Variants in VAMP7 observed in about 807,000 individuals in gnomAD.
VAMP7 encodes vesicle associated membrane protein 7.
A neutral mutation model predicts 29.6 loss-of-function variants in VAMP7; 14 were observed. The ratio of observed to expected loss-of-function variants is 0.47; its 90% CI spans 0.31 to 0.74. The LOEUF (loss-of-function observed/expected upper bound fraction) is 0.74. Ranked by LOEUF, VAMP7 falls within the 30% of genes least tolerant of loss-of-function variation. The pLI is 0.05. For missense variants in VAMP7, 223 were observed against 262.4 expected, an observed-to-expected ratio of 0.85 and a Z score of 1.04; for synonymous variants, 95 against 88.1, an observed-to-expected ratio of 1.08 and a Z score of -0.44.
At chrX:155,890,764 C>T (rs780888507) in intron 2 of VAMP7, among the ~76,000 whole-genome samples, 72 of 152,304 alleles carry the variant, frequency 4.7e-4, no homozygotes, top group African/African-American at 1.7e-3. Context: ...TCAACCTTCC[C>T]CGTTGGCACT....
intron 6 of VAMP7, among the ~76,000 whole-genome samples, chrX:155,924,086 C>T (rs183724114): frequency 3.3e-5 from 5 of 152,148 alleles, no homozygotes; most frequent in African/African-American, 9.6e-5. Flanking sequence ...GTATCTTGCT[C>T]TTTGTTTTTT....
At chrX:155,917,310 T>C (rs1330396633) in intron 5 of VAMP7, among the ~76,000 whole-genome samples, 3 of 152,208 alleles carry the variant, frequency 2.0e-5, no homozygotes, top group African/African-American at 7.2e-5. Context: ...AACATTCTCC[T>C]TTAGCTTGGA....
chrX:155,908,342 C>T lies in VAMP7; in HGVS notation c.433+7755C>T, dbSNP rs772361430. On this transcript the variant is annotated intron_variant, in intron 5 of 7. Transcript: ENST00000286448. ...GAGGCCGAGGCTGGCGGATCACTCGCGGTTAGCAGCTGGAGACCAGCCCGG... is the reference window on the plus strand; with the variant it reads ...GAGGCCGAGGCTGGCGGATCACTCGTGGTTAGCAGCTGGAGACCAGCCCGG... 3.2e-3 allele frequency among the ~76,000 whole-genome samples: 488 copies of T among 152,306 alleles called. 4 individuals carry two copies. Among genetic ancestry groups the T allele is most frequent in the Non-Finnish European group, 5.2e-3 (355 of 68,034 alleles).
intron 1 of VAMP7, among the ~76,000 whole-genome samples, chrX:155,885,655 A>G (rs2065856593): frequency 1.3e-5 from 2 of 152,192 alleles, no homozygotes; most frequent in African/African-American, 4.8e-5. Context: ...TGGCATCCAT[A>G]TAAAAGAAGA....
chrX:155,931,229 A>G (rs1242483109), intron 6 of VAMP7, among the ~76,000 whole-genome samples: 1 of 152,158 alleles, frequency 6.6e-6, no homozygotes, highest in Non-Finnish European at 1.5e-5. Flanking sequence ...TATACCCAGT[A>G]ATGGGATGGC....
At chrX:155,898,383 C>T in intron 4 of VAMP7, 134 bp downstream of exon 4, 2 of 1,205,154 alleles carry the variant, frequency 1.7e-6, no homozygotes, top group Non-Finnish European at 2.3e-6. Flanking sequence ...AATAAAACTT[C>T]CCTGATTAAA....
At chrX:155,930,084 T>C (rs2124379915) in intron 6 of VAMP7, among the ~76,000 whole-genome samples, 1 of 152,326 alleles carries the variant, frequency 6.6e-6, no homozygotes, top group South Asian at 2.1e-4. Flanking sequence ...TCAGGACACG[T>C]TGCTCTCTTG....
At chrX:155,931,457 G>T (rs910685809) in intron 6 of VAMP7, among the ~76,000 whole-genome samples, 1 of 152,078 alleles carries the variant, frequency 6.6e-6, no homozygotes, top group South Asian at 2.1e-4. Context: ...TTCTCTGATG[G>T]CCAGTGATGA....
chrX:155,905,463 A>G (rs950335053), intron 5 of VAMP7, among the ~76,000 whole-genome samples: 7 of 151,718 alleles, frequency 4.6e-5, no homozygotes, highest in African/African-American at 1.5e-4. Flanking sequence ...TTTGAATAAC[A>G]TATCTAAGAA....
chrX:155,914,813 C>G (rs1439413921), intron 5 of VAMP7, among the ~76,000 whole-genome samples: 3 of 152,064 alleles, frequency 2.0e-5, no homozygotes, highest in African/African-American at 7.2e-5. Flanking sequence ...GGATATTGGC[C>G]TGAAATTTTC....
At chrX:155,890,696 G>A (rs1447720165) in intron 2 of VAMP7, among the ~76,000 whole-genome samples, 1 of 152,074 alleles carries the variant, frequency 6.6e-6, no homozygotes, top group East Asian at 1.9e-4. Context: ...GATCACTCTG[G>A]TGGCTTATTA....
intron 6 of VAMP7, among the ~76,000 whole-genome samples, chrX:155,931,765 G>A (rs1371590742): frequency 1.3e-5 from 2 of 152,164 alleles, no homozygotes; most frequent in Non-Finnish European, 2.9e-5. Flanking sequence ...TGGTGTTTTA[G>A]ATATGAAGTC....
intron 6 of VAMP7, 46 bp from the exon 7 acceptor site, chrX:155,939,654 TC>T: frequency 7.5e-7 from 1 of 1,332,782 alleles, no homozygotes; most frequent in South Asian, 1.2e-5. Flanking sequence ...TGCAAATCAT[TC>T]ATGTAGTCAG....
chrX:155,892,741 G>GTATTAT (rs34905684), intron 2 of VAMP7, among the ~76,000 whole-genome samples: 4,035 of 145,858 alleles, frequency 0.028, 172 homozygotes, highest in African/African-American at 0.087. Context: ...TTTTCACACT[G>GTATTAT]TATTATTATT....
chrX:155,914,758 A>G (rs6567796), intron 5 of VAMP7, among the ~76,000 whole-genome samples: 98,360 of 151,816 alleles, frequency 0.65, 32,322 homozygotes, highest in African/African-American at 0.77. Flanking sequence ...GATGGGTTCG[A>G]TTTGCCAGTA....
chrX:155,904,121 C>T (rs1041164994), intron 5 of VAMP7, among the ~76,000 whole-genome samples: 6 of 147,568 alleles, frequency 4.1e-5, no homozygotes, highest in East Asian at 4.0e-4. Context: ...AACCAAACAC[C>T]GCATGTTCTC....
At chrX:155,903,357 G>A (rs1393375483) in intron 5 of VAMP7, among the ~76,000 whole-genome samples, 1 of 152,060 alleles carries the variant, frequency 6.6e-6, no homozygotes, top group Non-Finnish European at 1.5e-5. Flanking sequence ...TGACAAATGC[G>A]ATCTAATTAA....
chrX:155,900,679 A>C, intron 5 of VAMP7, 92 bp downstream of exon 5: 1 of 1,072,008 alleles, frequency 9.3e-7, no homozygotes, highest in Non-Finnish European at 1.4e-6. Context: ...CCAAAATAGC[A>C]CTTCCTTATT....
chrX:155,905,506 C>T (rs984852078), intron 5 of VAMP7, among the ~76,000 whole-genome samples: 21 of 152,094 alleles, frequency 1.4e-4, no homozygotes, highest in Non-Finnish European at 1.5e-5. Context: ...TGAAGATTTA[C>T]TACTTTGTTT....
Sources: allele counts gnomAD v4.1 joint callset (sites outside exome capture counted in the v4.1 genomes callset), GRCh38; gene constraint gnomAD v4.1.1; transcripts MANE v1.5; gene names NCBI Gene and HGNC (gene_info 2026-07-23, HGNC 2026-07-21).